Variants in CCDC178 observed in about 807,000 individuals in gnomAD.
The protein encoded by CCDC178 is coiled-coil domain-containing protein 178.
Under a neutral mutation model 117.4 loss-of-function variants are expected in CCDC178, and 126 were observed. The observed-to-expected ratio is 1.07, with a 90% CI of 0.93 to 1.24. The LOEUF (loss-of-function observed/expected upper bound fraction) is 1.24. Among genes scored for constraint, CCDC178 ranks in the 50% most tolerant of loss-of-function variants. CCDC178 has a pLI of 0.00. For missense variants in CCDC178, 1,030 were observed against 986.9 expected (o/e 1.04, Z -0.59); for synonymous variants, 283 against 313.4 (o/e 0.90, Z 1.02).
Position 33,055,852 on chromosome 18 carries a change from C to T in CCDC178, c.2388+36909G>A, listed in dbSNP as rs139665514. Among the ~76,000 whole-genome samples, 992 of 150,446 alleles carry T rather than the reference C, an allele frequency of 6.6e-3. 12 individuals are homozygous for T. The highest frequency in any genetic ancestry group is 0.022 in the African/African-American group (917 of 40,908). On this transcript the variant is annotated intron_variant, in intron 21 of 22. Transcript: ENST00000383096. ...AGGAGTCTTGCTCTGTCACCCAGGC[C>T]GGAGTGCAGTGGCACCATGTTGGCT...
intron 22 of CCDC178, among the ~76,000 whole-genome samples, chr18:32,955,911 TA>T (rs1353273950): frequency 1.3e-5 from 2 of 152,168 alleles, no homozygotes; most frequent in Non-Finnish European, 2.9e-5. Context: ...TGTTTTCTCA[TA>T]AAAGGCTTAT....
chr18:33,035,141 C>T (rs2056419246), intron 21 of CCDC178, among the ~76,000 whole-genome samples: 1 of 151,812 alleles, frequency 6.6e-6, no homozygotes, highest in African/African-American at 2.4e-5. Context: ...GATGGTTTCT[C>T]TTAGGGTAGA....
At chr18:33,333,821 T>C (rs1227633819) in intron 9 of CCDC178, among the ~76,000 whole-genome samples, 2 of 152,180 alleles carry the variant, frequency 1.3e-5, no homozygotes, top group African/African-American at 2.4e-5. Flanking sequence ...CAAATCTTAC[T>C]ACCTCTAAAA....
intron 2 of CCDC178, chr18:33,437,903 T>G (rs1341149013): frequency 6.6e-6 from 1 of 152,212 alleles, no homozygotes; most frequent in Non-Finnish European, 1.5e-5. Context: ...GGTAATAATT[T>G]AAATTCAGTG....
chr18:33,306,392 A>C (rs909939846), intron 11 of CCDC178, among the ~76,000 whole-genome samples: 1 of 146,728 alleles, frequency 6.8e-6, no homozygotes, highest in Non-Finnish European at 1.5e-5. Flanking sequence ...CAAAAGTCCA[A>C]GGTAACAGCT....
chr18:33,301,551 C>T (rs1343245841), intron 11 of CCDC178, among the ~76,000 whole-genome samples: 2 of 152,190 alleles, frequency 1.3e-5, no homozygotes, highest in African/African-American at 4.8e-5. Flanking sequence ...ATAGCTGCAC[C>T]TTGCAAAGCC....
intron 2 of CCDC178, among the ~76,000 whole-genome samples, chr18:33,431,992 G>C (rs145107247): frequency 6.6e-6 from 1 of 152,168 alleles, no homozygotes; most frequent in Non-Finnish European, 1.5e-5. Context: ...CAGCAAAGGA[G>C]GTGACCAGAT....
At chr18:33,217,553 T>G (rs1187184076) in intron 18 of CCDC178, among the ~76,000 whole-genome samples, 7 of 151,926 alleles carry the variant, frequency 4.6e-5, no homozygotes, top group African/African-American at 7.2e-5. Context: ...TCAAAATCAT[T>G]TATTGGTAAT....
chr18:32,957,974 T>G (rs376667915), intron 22 of CCDC178: 3 of 271,242 alleles, frequency 1.1e-5, no homozygotes, highest in African/African-American at 6.5e-5. Context: ...CCTCTTTAGT[T>G]AATAAATGAA....
intron 20 of CCDC178, among the ~76,000 whole-genome samples, chr18:33,184,565 G>T (rs1034980841): frequency 6.6e-6 from 1 of 151,972 alleles, no homozygotes; most frequent in South Asian, 2.1e-4. Flanking sequence ...AGAAAACGAA[G>T]AACCTAGTAA....
At chr18:33,232,980 A>G (rs1453155100) in intron 15 of CCDC178, among the ~76,000 whole-genome samples, 1 of 152,142 alleles carries the variant, frequency 6.6e-6, no homozygotes, top group Non-Finnish European at 1.5e-5. Flanking sequence ...AAAATTTCCT[A>G]TTATATGTTA....
At chr18:33,046,792 C>T (rs189548740) in intron 21 of CCDC178, among the ~76,000 whole-genome samples, 105 of 152,248 alleles carry the variant, frequency 6.9e-4, no homozygotes, top group Middle Eastern at 3.4e-3. Flanking sequence ...ATGTGAACCC[C>T]TAGCAAACTA....
intron 22 of CCDC178, among the ~76,000 whole-genome samples, chr18:32,954,828 G>A (rs1285854591): frequency 6.6e-6 from 1 of 151,986 alleles, no homozygotes; most frequent in African/African-American, 2.4e-5. Flanking sequence ...AAGAATGAAT[G>A]GTGTAAGACA....
chr18:33,349,000 A>G, intron 7 of CCDC178, 25 bp from the exon 8 acceptor site: 3 of 1,451,192 alleles, frequency 2.1e-6, no homozygotes, highest in Non-Finnish European at 2.9e-6. Flanking sequence ...AGAAGCAAGC[A>G]GTAAAGAAGT....
At chr18:33,236,373 A>C (rs1416081444) in intron 15 of CCDC178, among the ~76,000 whole-genome samples, 3 of 152,190 alleles carry the variant, frequency 2.0e-5, no homozygotes, top group African/African-American at 7.2e-5. Context: ...AAATCTAGAA[A>C]TTTATTTTGA....
intron 5 of CCDC178, among the ~76,000 whole-genome samples, chr18:33,387,628 T>A (rs1358756647): frequency 6.6e-6 from 1 of 152,164 alleles, no homozygotes; most frequent in East Asian, 1.9e-4. Flanking sequence ...ACCTATTTAA[T>A]AAATGATGCT....
At chr18:33,164,370 T>C (rs1178904021) in intron 20 of CCDC178, among the ~76,000 whole-genome samples, 1 of 152,006 alleles carries the variant, frequency 6.6e-6, no homozygotes, top group Non-Finnish European at 1.5e-5. Flanking sequence ...AACCTCGGCC[T>C]CCCAAAGTGC....
At chr18:33,351,664 T>G (rs953274751) in intron 7 of CCDC178, among the ~76,000 whole-genome samples, 8 of 152,200 alleles carry the variant, frequency 5.3e-5, no homozygotes, top group African/African-American at 1.9e-4. Flanking sequence ...AAACTCAGTC[T>G]CTGGAGTAGC....
intron 22 of CCDC178, among the ~76,000 whole-genome samples, chr18:32,967,497 CT>C (rs577455457): frequency 1.1e-3 from 155 of 147,490 alleles, no homozygotes; most frequent in Non-Finnish European, 2.1e-3. Context: ...ATTCTTTATT[CT>C]TTTTTTTTTC....
Sources: allele counts gnomAD v4.1 joint callset (sites outside exome capture counted in the v4.1 genomes callset), GRCh38; gene constraint gnomAD v4.1.1; transcripts MANE v1.5; gene names NCBI Gene and HGNC (gene_info 2026-07-23, HGNC 2026-07-21).